SFMBT2: variants seen among roughly 807,000 people sequenced by gnomAD.
SFMBT2 encodes Scm like with four mbt domains 2.
Under a neutral mutation model 110.1 loss-of-function variants are expected in SFMBT2, and 38 were observed. The observed-to-expected ratio is 0.35, with a 90% CI of 0.27 to 0.45. SFMBT2 has a LOEUF of 0.45. Ranked by LOEUF, SFMBT2 falls within the 20% of genes least tolerant of loss-of-function variation. SFMBT2 has a pLI of 1.00. For synonymous variants in SFMBT2, 425 were observed against 425.4 expected, an observed-to-expected ratio of 1.00 and a Z score of 0.01; for missense variants, 1,011 against 1,094.9, an observed-to-expected ratio of 0.92 and a Z score of 1.08.
chr10:7,390,843 T>A lies in SFMBT2; in HGVS notation c.-51-8894A>T, dbSNP rs1047155689. On this transcript the variant is annotated intron_variant, in intron 1 of 20. Transcript: ENST00000397167. ...GGCCTGGTGCGTTGGCTCATGCCGGTAATCCCAGCACTTTGGGAAGCTGAA... is the reference window on the plus strand; with the variant it reads ...GGCCTGGTGCGTTGGCTCATGCCGGAAATCCCAGCACTTTGGGAAGCTGAA... Among the ~76,000 whole-genome samples, 15 of 152,364 alleles carry A rather than the reference T, an allele frequency of 9.8e-5. No individual in the cohort carries two copies. In the East Asian group the frequency reaches 1.2e-3, roughly 12 times the overall value.
At chr10:7,205,379 CT>C (rs1839095840) in intron 12 of SFMBT2, 1 of 983,048 alleles carries the variant, frequency 1.0e-6, no homozygotes, top group South Asian at 4.7e-5. Flanking sequence ...GAATGAGGCA[CT>C]GTGCCTAGCC....
At chr10:7,231,365 G>T (rs1588365559) in intron 9 of SFMBT2, among the ~76,000 whole-genome samples, 1 of 152,330 alleles carries the variant, frequency 6.6e-6, no homozygotes, top group East Asian at 1.9e-4. Flanking sequence ...GGAAATGAGA[G>T]AAAACTATAT....
intron 4 of SFMBT2, among the ~76,000 whole-genome samples, chr10:7,351,567 G>A (rs1844315207): frequency 6.6e-6 from 1 of 152,180 alleles, no homozygotes; most frequent in African/African-American, 2.4e-5. Flanking sequence ...GATCCAAAAT[G>A]TGTATTTCTG....
chr10:7,305,783 A>C (rs960254236), intron 4 of SFMBT2, among the ~76,000 whole-genome samples: 1 of 152,240 alleles, frequency 6.6e-6, no homozygotes, highest in Non-Finnish European at 1.5e-5. Flanking sequence ...CACTGGACTG[A>C]ACTGGTTATG....
rs1837843045 is a variant in SFMBT2 at position 7,170,554 on chromosome 10, C to T, written c.2544+374G>A. Among the ~76,000 whole-genome samples the T allele has an allele frequency of 6.6e-6, 1 of 152,150 alleles. No homozygotes were observed. Among genetic ancestry groups the T allele is most frequent in the South Asian group, 2.1e-4 (1 of 4,828 alleles). ...CAGGGAACTGGGACTCTCACCCCTG[C>T]CTGGTGGTAAAGAGCCCCCACTGTA... On this transcript the variant is annotated intron_variant, in intron 20 of 20. Transcript: ENST00000397167. This position sits in a 1 kb window ranked among gnomAD's most constrained non-coding sequence, Gnocchi z 4.6.
intron 15 of SFMBT2, among the ~76,000 whole-genome samples, chr10:7,196,009 C>T (rs982615060): frequency 2.6e-5 from 4 of 152,136 alleles, no homozygotes; most frequent in South Asian, 2.1e-4. Flanking sequence ...TCTTTAACTA[C>T]GAATACCACT....
At chr10:7,321,806 C>A (rs1479512611) in intron 4 of SFMBT2, among the ~76,000 whole-genome samples, 1 of 152,226 alleles carries the variant, frequency 6.6e-6, no homozygotes, top group Non-Finnish European at 1.5e-5. Flanking sequence ...GCACTCAGCA[C>A]TGAGTCCATC....
intron 6 of SFMBT2, among the ~76,000 whole-genome samples, chr10:7,282,559 C>G (rs562471167): frequency 3.5e-4 from 53 of 152,280 alleles, no homozygotes; most frequent in African/African-American, 1.2e-3. Flanking sequence ...TCATCAGAGT[C>G]AAAAATTACT....
intron 7 of SFMBT2, among the ~76,000 whole-genome samples, chr10:7,259,333 A>C (rs950991422): frequency 2.6e-5 from 4 of 152,184 alleles, no homozygotes; most frequent in African/African-American, 9.7e-5. Flanking sequence ...CCTGGACTGG[A>C]TCTAATAACA....
chr10:7,386,818 C>T (rs901136258), intron 1 of SFMBT2, among the ~76,000 whole-genome samples: 1 of 152,154 alleles, frequency 6.6e-6, no homozygotes, highest in African/African-American at 2.4e-5. Flanking sequence ...ACATAATAAA[C>T]ATGCACTTAT....
chr10:7,299,979 T>C (rs971681474), intron 4 of SFMBT2, among the ~76,000 whole-genome samples: 1 of 152,134 alleles, frequency 6.6e-6, no homozygotes, highest in Admixed American at 6.5e-5. Context: ...ATGAATACTA[T>C]GCAGCCATGA....
chr10:7,368,680 A>G (rs965647678), intron 3 of SFMBT2, among the ~76,000 whole-genome samples: 1 of 152,242 alleles, frequency 6.6e-6, no homozygotes, highest in Non-Finnish European at 1.5e-5. Context: ...AGAGAAATTG[A>G]TAACTTCTCA....
intron 1 of SFMBT2, among the ~76,000 whole-genome samples, chr10:7,388,980 G>A (rs1316625183): frequency 2.0e-5 from 3 of 152,188 alleles, no homozygotes; most frequent in East Asian, 1.9e-4. Context: ...AGACAGTGGA[G>A]AAGAAATGAA....
chr10:7,261,379 T>G (rs75329439), intron 7 of SFMBT2, among the ~76,000 whole-genome samples: 9,698 of 152,296 alleles, frequency 0.064, 407 homozygotes, highest in Admixed American at 0.089. Flanking sequence ...CCAGGGTTTG[T>G]AACACTCTGG....
chr10:7,221,034 GC>G (rs1839716024), intron 10 of SFMBT2, among the ~76,000 whole-genome samples: 1 of 151,536 alleles, frequency 6.6e-6, no homozygotes. Context: ...CACCATGTTA[GC>G]CAGGATGGTC....
chr10:7,171,847 T>C lies in SFMBT2; in HGVS notation c.2415+48A>G, dbSNP rs769271957. Reference sequence around the variant, plus strand: ...TGGCCCTGAAGTGTAACAGGTGTGCTTCTTCAGACCCAGCGGGAAGCCCTC... The same window carrying C: ...TGGCCCTGAAGTGTAACAGGTGTGCCTCTTCAGACCCAGCGGGAAGCCCTC... On this transcript the variant is annotated intron_variant, in intron 19 of 20. Transcript: ENST00000397167. The surrounding 1 kb of genome is among the most constrained non-coding windows in gnomAD (Gnocchi z 4.9). 6 of 1,378,244 alleles carry C rather than the reference T, an allele frequency of 4.4e-6. No individual in the cohort carries two copies. In the South Asian group the frequency reaches 1.0e-4, roughly 23 times the overall value. The allele number at this position is 1,378,244 out of a possible 1,614,324, so 85.4% of individuals were successfully genotyped here.
At chr10:7,227,218 C>T (rs535279134) in intron 10 of SFMBT2, among the ~76,000 whole-genome samples, 2 of 152,296 alleles carry the variant, frequency 1.3e-5, no homozygotes, top group East Asian at 3.9e-4. Context: ...GGTAAGACAG[C>T]ATTTTAAGAC....
intron 1 of SFMBT2, among the ~76,000 whole-genome samples, chr10:7,386,663 G>A (rs1404769397): frequency 6.6e-6 from 1 of 152,158 alleles, no homozygotes; most frequent in Non-Finnish European, 1.5e-5. Context: ...AAAATGAATG[G>A]ACTTCTCAGC....
At chr10:7,338,837 A>T (rs35632583) in intron 4 of SFMBT2, among the ~76,000 whole-genome samples, 1 of 152,024 alleles carries the variant, frequency 6.6e-6, no homozygotes, top group African/African-American at 2.4e-5. Flanking sequence ...TGCAGTCTGC[A>T]CTCTTCCCAG....
Sources: gnomAD v4.1 joint callset for allele counts (sites outside exome capture counted in the v4.1 genomes callset) on GRCh38, gnomAD v4.1.1 for gene constraint, Gnocchi (gnomAD v3.1) non-coding constraint, MANE v1.5 for transcripts, NCBI Gene and HGNC (gene_info 2026-07-23, HGNC 2026-07-21) for gene names.